Variants in FANCD2 observed in about 807,000 individuals in gnomAD.
FANCD2 encodes the protein FA complementation group D2, also known as Fanconi anemia group D2 protein.
In FANCD2, 131 loss-of-function variants were observed where a neutral mutation model predicts 192.3. The observed-to-expected ratio is 0.68, with a 90% confidence interval of 0.59 to 0.79. FANCD2 has a LOEUF of 0.79. FANCD2 is among the 30% of genes least tolerant of loss of function. FANCD2 has a pLI of 0.00. For synonymous variants in FANCD2, 524 were observed against 612.5 expected (o/e 0.86, Z 2.13); for missense variants, 1,508 against 1,701.6 (o/e 0.89, Z 2.00).
chr3:10,070,151 G>A (rs1013518284), intron 26 of FANCD2, among the ~76,000 whole-genome samples: 6 of 149,906 alleles, frequency 4.0e-5, no homozygotes, highest in African/African-American at 1.5e-4. Flanking sequence ...CTGCCCGGCT[G>A]CCCCGTATGA....
intron 2 of FANCD2, among the ~76,000 whole-genome samples, chr3:10,031,996 C>T (rs1052384272): frequency 2.6e-5 from 4 of 152,188 alleles, no homozygotes; most frequent in Non-Finnish European, 5.9e-5. Flanking sequence ...CAGGCGCACG[C>T]CACCACACCC....
chr3:10,048,452 C>T (rs902058250), intron 16 of FANCD2, among the ~76,000 whole-genome samples: 2 of 152,178 alleles, frequency 1.3e-5, no homozygotes, highest in Non-Finnish European at 2.9e-5. Flanking sequence ...TACAGGCACA[C>T]ACCACCACGC....
At position 10,063,823 on chromosome 3, in the gene FANCD2, G is replaced by T. The variant is rs1575790426; in HGVS notation, c.1859G>T (p.Cys620Phe). Residue 620 changes from cysteine to phenylalanine, a missense_variant, in exon 21 of 44, where the codon TGC (cysteine) becomes TTC (phenylalanine). Around this residue, in one of 5 missense-constraint regions of FANCD2, gnomAD observed 59 missense variants for 111.9 expected, o/e 0.53. Transcript: ENST00000675286. ...TCCTTGTTGCAGTTGGTTCATTCCT[G>T]CAGTGAGCAGTCTCCTCAGGCCTCT... ...VTSLLQLVHS[C>F]SEQSPQASAL... is the part of the protein sequence containing the mutation. 1 of 1,614,090 alleles carries T rather than the reference G, an allele frequency of 6.2e-7. No individual in the cohort carries two copies. Among genetic ancestry groups the T allele is most frequent in the South Asian group, 1.1e-5 (1 of 91,092 alleles).
intron 3 of FANCD2, among the ~76,000 whole-genome samples, chr3:10,033,718 T>TTTTTA (rs2086658362): frequency 1.4e-5 from 2 of 144,816 alleles, no homozygotes; most frequent in Admixed American, 6.9e-5. Context: ...TTTTTTTTTT[T>TTTTTA]GAGACGGAGT....
intron 42 of FANCD2, among the ~76,000 whole-genome samples, chr3:10,097,920 G>A (rs1012023755): frequency 1.1e-4 from 17 of 152,152 alleles, no homozygotes; most frequent in Non-Finnish European, 2.2e-4. Flanking sequence ...GGCTTCAGCC[G>A]GTCCCTCCGT....
chr3:10,095,103 AG>A lies in FANCD2; in HGVS notation c.3964-96del, dbSNP rs1379885377. 4 of 1,021,294 alleles carry A rather than the reference AG, an allele frequency of 3.9e-6. No homozygotes were observed. The African/African-American group carries it at 6.3e-5, about 16-fold the overall frequency. 63.3% of individuals were successfully genotyped at this position (1,021,294 alleles called of 1,614,324 possible). ...TATCAGCATAGGCTGGAAACTGCAGAGTTTATCCTCTTTGGAGCTTTTGATT... is the reference window on the plus strand; with the variant it reads ...TATCAGCATAGGCTGGAAACTGCAGATTTATCCTCTTTGGAGCTTTTGATT... On this transcript the variant is annotated intron_variant, in intron 40 of 43. Coordinates refer to ENST00000675286, the MANE Select transcript of FANCD2 (RefSeq NM_001018115.3).
intron 19 of FANCD2, among the ~76,000 whole-genome samples, chr3:10,060,816 C>T (rs2087544765): frequency 6.6e-6 from 1 of 152,204 alleles, no homozygotes; most frequent in Admixed American, 6.5e-5. Context: ...TTTCCCCTCA[C>T]CTTGTTCCTT....
chr3:10,052,742 G>T (rs1360221857), intron 18 of FANCD2, among the ~76,000 whole-genome samples: 1 of 151,796 alleles, frequency 6.6e-6, no homozygotes, highest in Non-Finnish European at 1.5e-5. Context: ...CTTCTCAAAA[G>T]AAGACATTTA....
intron 40 of FANCD2, chr3:10,094,782 T>C (rs1194374321): frequency 2.2e-5 from 7 of 312,270 alleles, no homozygotes; most frequent in Non-Finnish European, 3.7e-5. Context: ...TTTTAGCCAA[T>C]GGCATCCAGG....
Position 10,065,478 on chromosome 3 carries a change from G to A in FANCD2, c.2253G>A (p.Glu751=), listed in dbSNP as rs2125036589. ...VERQHNGNLE[E]IDGLLDCPIF... is the part of the protein sequence containing the mutation. ...GACAGCATAACGGAAACTTGGAGGA[G>A]ATTGATGGTCTACTAGGTATGGGAT... is the stretch of plus-strand genomic sequence containing the variant. The change falls in exon 24 of 44, where the codon GAG becomes GAA. Residue 751 remains glutamate (E), a synonymous_variant. Coordinates refer to ENST00000675286, the MANE Select transcript of FANCD2 (RefSeq NM_001018115.3). The A allele has an allele frequency of 6.2e-7, 1 of 1,609,566 alleles. No homozygotes were observed. Among genetic ancestry groups the A allele is most frequent in the Non-Finnish European group, 8.5e-7 (1 of 1,175,836 alleles).
rs34115008 is a variant in FANCD2, at chr3:10,033,698, C to CTTTT, written c.205+743_205+746dup. 3.5e-3 allele frequency among the ~76,000 whole-genome samples: 315 copies of CTTTT among 89,340 alleles called. 23 individuals are homozygous for CTTTT. In the South Asian group the frequency reaches 0.037, roughly 11 times the overall value. 58.6% of individuals were successfully genotyped at this position (89,340 alleles called of 152,430 possible). A position where few individuals can be genotyped will look rare whatever the true frequency, so the allele number is the denominator to read the frequency against. On this transcript the variant is annotated intron_variant, in intron 3 of 43. Coordinates refer to ENST00000675286, the MANE Select transcript of FANCD2 (RefSeq NM_001018115.3). Reference sequence around the variant, plus strand: ...TGGCTATCTGCTATCAAAGCTAAGTCTTTTTTTTTTTTTTTTTTTTGAGAC... The same window carrying CTTTT: ...TGGCTATCTGCTATCAAAGCTAAGTCTTTTTTTTTTTTTTTTTTTTTTTTGAGAC...
intron 3 of FANCD2, among the ~76,000 whole-genome samples, 192 bp from the exon 4 acceptor site, chr3:10,034,277 A>G: frequency 6.8e-6 from 1 of 147,070 alleles, no homozygotes; most frequent in African/African-American, 2.6e-5. Context: ...GTGAGCTGAG[A>G]TCACGCCACT....
intron 28 of FANCD2, among the ~76,000 whole-genome samples, chr3:10,073,677 G>T (rs1156311784): frequency 1.3e-5 from 2 of 152,064 alleles, no homozygotes; most frequent in Non-Finnish European, 2.9e-5. Flanking sequence ...CTTTACATTT[G>T]TACTGTTCGT....
rs151053030 is a variant in FANCD2 at position 10,045,227 on chromosome 3, G to C, written c.1135-1353G>C. Among the ~76,000 whole-genome samples the C allele has an allele frequency of 3.9e-3, 591 of 152,048 alleles. 17 individuals are homozygous for C. In the South Asian group the frequency reaches 0.053, roughly 14 times the overall value. ...TCTGTCACCTAGGCTGGACTGCACT[G>C]GCGTGATCTCGGCTCACTGCAAGCT... On this transcript the variant is annotated intron_variant, in intron 14 of 43. Transcript: ENST00000675286.
In FANCD2 at chr3:10,088,465, A is replaced by G. The variant is rs143403347; in HGVS notation, c.3483A>G (p.Gln1161=). The change falls in exon 35 of 44, where the codon CAA becomes CAG. Residue 1161 remains glutamine (Q), a synonymous_variant. Coordinates refer to ENST00000675286, the MANE Select transcript of FANCD2 (RefSeq NM_001018115.3). Reference sequence around the variant, plus strand: ...TTCTAACAGCTTCCCTTGCCAGACAATTCCTCTGTCGGGTGTGGCCAAGTG... The same window carrying G: ...TTCTAACAGCTTCCCTTGCCAGACAGTTCCTCTGTCGGGTGTGGCCAAGTG... ...NKEKIASLAR[Q]FLCRVWPSGD... 56 of 1,609,030 alleles carry G rather than the reference A, an allele frequency of 3.5e-5. No homozygotes were observed. The highest frequency in any genetic ancestry group is 1.8e-4 in the South Asian group (16 of 90,962).
chr3:10,031,305 C>T (rs1331967130), intron 2 of FANCD2, among the ~76,000 whole-genome samples: 2 of 151,956 alleles, frequency 1.3e-5, no homozygotes, highest in South Asian at 2.1e-4. Flanking sequence ...AGATTGAGAC[C>T]ATCTTGGCTA....
At chr3:10,050,152 C>T (rs937796583) in intron 17 of FANCD2, among the ~76,000 whole-genome samples, 6 of 152,044 alleles carry the variant, frequency 3.9e-5, no homozygotes, top group African/African-American at 1.2e-4. Context: ...ATACAGTTGA[C>T]CTAATCTACT....
At chr3:10,067,802 A>C (rs938548186) in intron 26 of FANCD2, among the ~76,000 whole-genome samples, 4 of 152,212 alleles carry the variant, frequency 2.6e-5, no homozygotes, top group African/African-American at 7.2e-5. Flanking sequence ...CCATCTCAAA[A>C]ACAAACAAAA....
At chr3:10,068,063 A>G (rs2087769740) in intron 26 of FANCD2, among the ~76,000 whole-genome samples, 1 of 152,236 alleles carries the variant, frequency 6.6e-6, no homozygotes, top group African/African-American at 2.4e-5. Flanking sequence ...CCTTTCCTCT[A>G]AGATCTGAAC....
Sources: gnomAD v4.1 joint callset for allele counts (sites outside exome capture counted in the v4.1 genomes callset) on GRCh38, gnomAD v4.1.1 for gene constraint, gnomAD v4.1.1 regional missense constraint, MANE v1.5 for transcripts, NCBI Gene and HGNC (gene_info 2026-07-23, HGNC 2026-07-21) for gene names.